ADAMTS3: variants seen among roughly 807,000 people sequenced by gnomAD.
ADAMTS3 encodes the protein A disintegrin and metalloproteinase with thrombospondin motifs 3.
In ADAMTS3, 73 loss-of-function variants were observed where a neutral mutation model predicts 129.0. The observed-to-expected ratio is 0.57, with a 90% CI of 0.47 to 0.69. The LOEUF (loss-of-function observed/expected upper bound fraction) is 0.69, where lower values mean the gene tolerates loss of function less well. ADAMTS3 is among the 30% of genes least tolerant of loss of function. ADAMTS3 has a pLI of 0.00. For missense variants in ADAMTS3, 1,457 were observed against 1,514.5 expected (o/e 0.96, Z 0.63); for synonymous variants, 477 against 510.8 (o/e 0.93, Z 0.89).
At chr4:72,496,702 T>C (rs1719880885) in intron 3 of ADAMTS3, among the ~76,000 whole-genome samples, 1 of 152,048 alleles carries the variant, frequency 6.6e-6, no homozygotes, top group African/African-American at 2.4e-5. Context: ...ATAGTAAACA[T>C]AGTAAGGAAG....
intron 3 of ADAMTS3, among the ~76,000 whole-genome samples, chr4:72,521,060 T>C (rs536599410): frequency 6.6e-6 from 1 of 151,886 alleles, no homozygotes; most frequent in East Asian, 1.9e-4. Flanking sequence ...TGTAGTGGCA[T>C]GATCTTGGCT....
intron 2 of ADAMTS3, among the ~76,000 whole-genome samples, chr4:72,565,364 T>C (rs1721996563): frequency 2.0e-5 from 3 of 152,100 alleles, no homozygotes; most frequent in Non-Finnish European, 2.9e-5. Context: ...AATCAGTTAA[T>C]AGAAAAAAAA....
At chr4:72,551,003 T>TA (rs1193012433) in intron 2 of ADAMTS3, among the ~76,000 whole-genome samples, 1 of 152,134 alleles carries the variant, frequency 6.6e-6, no homozygotes, top group Non-Finnish European at 1.5e-5. Flanking sequence ...GTAATACCGG[T>TA]AACCAGAGAA....
In ADAMTS3 at chr4:72,282,220, C is replaced by G. The variant is rs1718367735; in HGVS notation, c.*916G>C. 6.6e-6 allele frequency: 1 copy of G among 152,142 alleles called. No individual in the cohort carries two copies. Among genetic ancestry groups the G allele is most frequent in the South Asian group, 2.1e-4 (1 of 4,834 alleles). The allele number at this position is 152,142 out of a possible 1,614,324, so 9.4% of individuals were successfully genotyped here. On this transcript the variant is annotated 3_prime_UTR_variant, in exon 22 of 22. Transcript: ENST00000286657. ...AATGCGAAAATTAAAAAAGAACACACACACACAAAAACAAAGGACACCTCA... is the reference window on the plus strand; with the variant it reads ...AATGCGAAAATTAAAAAAGAACACAGACACACAAAAACAAAGGACACCTCA...
intron 3 of ADAMTS3, among the ~76,000 whole-genome samples, chr4:72,501,464 T>C (rs1720020150): frequency 6.6e-6 from 1 of 152,196 alleles, no homozygotes. Flanking sequence ...TATACATTGA[T>C]TTTGTATCCT....
intron 4 of ADAMTS3, among the ~76,000 whole-genome samples, chr4:72,390,490 C>T (rs1036208826): frequency 6.6e-5 from 10 of 152,154 alleles, no homozygotes; most frequent in Non-Finnish European, 1.5e-4. Flanking sequence ...TTCACTCAGG[C>T]AGACTACATC....
chr4:72,433,406 A>C (rs1722744054), intron 3 of ADAMTS3, among the ~76,000 whole-genome samples: 1 of 151,898 alleles, frequency 6.6e-6, no homozygotes, highest in Non-Finnish European at 1.5e-5. Context: ...AAGAAAGGAG[A>C]AGGCATATCT....
intron 3 of ADAMTS3, among the ~76,000 whole-genome samples, chr4:72,425,845 AC>A (rs1722559565): frequency 3.3e-5 from 5 of 151,676 alleles, no homozygotes; most frequent in Admixed American, 3.3e-4. Flanking sequence ...TTGGGTATAT[AC>A]CCAGTAATGG....
intron 19 of ADAMTS3, 102 bp downstream of exon 19, chr4:72,295,552 A>G: frequency 7.9e-7 from 1 of 1,265,686 alleles, no homozygotes; most frequent in East Asian, 2.3e-5. Context: ...AACCATGTCT[A>G]TATAGAGCTT....
chr4:72,556,834 T>C (rs1464386448), intron 2 of ADAMTS3, among the ~76,000 whole-genome samples: 1 of 151,802 alleles, frequency 6.6e-6, no homozygotes, highest in East Asian at 1.9e-4. Flanking sequence ...GCTGTTATCA[T>C]CACCTCTAAC....
intron 3 of ADAMTS3, among the ~76,000 whole-genome samples, chr4:72,516,885 T>C (rs1363529778): frequency 6.6e-6 from 1 of 151,752 alleles, no homozygotes; most frequent in African/African-American, 2.4e-5. Context: ...TGAATAGGAG[T>C]GGTGAGAGAG....
intron 4 of ADAMTS3, among the ~76,000 whole-genome samples, chr4:72,399,763 A>G (rs1361149716): frequency 6.8e-6 from 1 of 147,738 alleles, no homozygotes; most frequent in South Asian, 2.1e-4. Flanking sequence ...ATGTGTGTAT[A>G]TATATACACA....
intron 4 of ADAMTS3, among the ~76,000 whole-genome samples, chr4:72,372,325 A>C (rs1721030302): frequency 6.6e-6 from 1 of 152,152 alleles, no homozygotes; most frequent in African/African-American, 2.4e-5. Context: ...ATAATACTAT[A>C]TTAGATGACT....
intron 2 of ADAMTS3, among the ~76,000 whole-genome samples, chr4:72,560,181 T>G (rs1275948083): frequency 4.8e-5 from 7 of 144,868 alleles, no homozygotes; most frequent in Middle Eastern, 3.2e-3. Flanking sequence ...AAAAATTAAC[T>G]CAAGATGGAT....
chr4:72,471,896 T>C (rs1719083934), intron 3 of ADAMTS3, among the ~76,000 whole-genome samples: 1 of 152,056 alleles, frequency 6.6e-6, no homozygotes, highest in African/African-American at 2.4e-5. Flanking sequence ...TTTTTAAGAC[T>C]ATAAGGGCCC....
chr4:72,411,584 C>T (rs1002847564), intron 4 of ADAMTS3, among the ~76,000 whole-genome samples: 3 of 151,996 alleles, frequency 2.0e-5, no homozygotes, highest in African/African-American at 7.2e-5. Context: ...CTAATCTCTA[C>T]CCATCCCTAC....
At chr4:72,424,524 G>T (rs1051726018) in intron 3 of ADAMTS3, among the ~76,000 whole-genome samples, 2 of 151,924 alleles carry the variant, frequency 1.3e-5, no homozygotes, top group African/African-American at 4.8e-5. Context: ...AGTTATTTGG[G>T]CTCCTAATAG....
At position 72,452,947 on chromosome 4, in the gene ADAMTS3, A is replaced by C. The variant is rs189541374; in HGVS notation, c.505-37976T>G. Among the ~76,000 whole-genome samples the C allele has an allele frequency of 3.7e-4, 56 of 151,936 alleles. 1 individual carries two copies. The highest frequency in any genetic ancestry group is 1.3e-3 in the African/African-American group (55 of 41,532). On this transcript the variant is annotated intron_variant, in intron 3 of 21. Transcript: ENST00000286657. ...AAACAAGAAGAATGTTTTCTAAAAA[A>C]TGCAGCAGTAGGGGTAGGGGTATGA...
At chr4:72,313,553 G>T in intron 12 of ADAMTS3, 124 bp downstream of exon 12, 1 of 1,023,770 alleles carries the variant, frequency 9.8e-7, no homozygotes, top group Non-Finnish European at 1.4e-6. Context: ...TTTATGAACT[G>T]TGAACAATTT....
Sources: allele counts gnomAD v4.1 joint callset (sites outside exome capture counted in the v4.1 genomes callset), GRCh38; gene constraint gnomAD v4.1.1; transcripts MANE v1.5; gene names NCBI Gene and HGNC (gene_info 2026-07-23, HGNC 2026-07-21).